NCOA2: variants seen among roughly 807,000 people sequenced by gnomAD.
The protein encoded by NCOA2 is class E basic helix-loop-helix protein 75.
In NCOA2, 21 loss-of-function variants were observed where a neutral mutation model predicts 145.1. That is an observed-to-expected ratio of 0.14 (90% CI 0.10 to 0.21). The LOEUF (loss-of-function observed/expected upper bound fraction) is 0.21. Ranked by LOEUF, NCOA2 falls within the 10% of genes least tolerant of loss-of-function variation. The pLI is 1.00. For synonymous variants in NCOA2, 619 were observed against 637.5 expected (o/e 0.97, Z 0.44); for missense variants, 1,472 against 1,837.6 (o/e 0.80, Z 3.64).
chr8:70,381,387 C>G (rs1488972623), intron 1 of NCOA2, among the ~76,000 whole-genome samples: 1 of 152,134 alleles, frequency 6.6e-6, no homozygotes, highest in Non-Finnish European at 1.5e-5. Context: ...TTATAAATAT[C>G]AAGTTTCCAT....
rs1460324133 is a variant in NCOA2 at position 70,296,729 on chromosome 8, T to C, written c.-20+15A>G. 3 of 152,306 alleles carry C rather than the reference T, an allele frequency of 2.0e-5. No homozygotes were observed. The East Asian group carries it at 5.8e-4, about 29-fold the overall frequency. 9.4% of individuals were successfully genotyped at this position (152,306 alleles called of 1,614,324 possible). A position where few individuals can be genotyped will look rare whatever the true frequency, so the allele number is the denominator to read the frequency against. On this transcript the variant is annotated intron_variant, in intron 2 of 22. Transcript: ENST00000452400. ...TATCAAAGTATCCAATATGAAGAAT[T>C]CAACGTTAACTCACCTGTGCCTGTA...
chr8:70,359,994 G>A (rs528112579), intron 1 of NCOA2, among the ~76,000 whole-genome samples: 70 of 152,144 alleles, frequency 4.6e-4, no homozygotes, highest in African/African-American at 1.6e-3. Flanking sequence ...AAGTTTTGCT[G>A]CAATCCCTTA....
chr8:70,329,554 T>C (rs921784462), intron 1 of NCOA2, among the ~76,000 whole-genome samples: 7 of 152,090 alleles, frequency 4.6e-5, no homozygotes, highest in African/African-American at 1.7e-4. Context: ...GACTCAGCAA[T>C]TTTGATCTTG....
At chr8:70,452,174 C>T in the NCOA2 span, among the ~76,000 whole-genome samples, 1 of 152,288 alleles carries the variant, frequency 6.6e-6, no homozygotes, top group South Asian at 2.1e-4. Context: ...TGGGGTTTCA[C>T]CATGTTGCCC....
intron 1 of NCOA2, among the ~76,000 whole-genome samples, chr8:70,336,253 C>G (rs541338292): frequency 6.6e-6 from 1 of 152,078 alleles, no homozygotes; most frequent in Admixed American, 6.5e-5. Flanking sequence ...TTTTAAGTAC[C>G]TTTATAATCT....
chr8:70,160,695 G>A (rs1369984782), intron 9 of NCOA2, among the ~76,000 whole-genome samples: 3 of 151,268 alleles, frequency 2.0e-5, no homozygotes, highest in African/African-American at 7.4e-5. Flanking sequence ...GAGAGAGAGA[G>A]AGAGAGACTG....
the NCOA2 span, among the ~76,000 whole-genome samples, chr8:70,452,574 ATG>A: frequency 6.6e-6 from 1 of 152,156 alleles, no homozygotes; most frequent in African/African-American, 2.4e-5. Context: ...TCACTGCTTA[ATG>A]TGTGTGGGGT....
At chr8:70,270,606 TA>T (rs1328792857) in intron 2 of NCOA2, among the ~76,000 whole-genome samples, 3 of 147,694 alleles carry the variant, frequency 2.0e-5, no homozygotes, top group Non-Finnish European at 4.6e-5. Context: ...GTGGCCACTA[TA>T]ATCCCATTAT....
chr8:70,434,617 G>A, the NCOA2 span, among the ~76,000 whole-genome samples: 1 of 152,016 alleles, frequency 6.6e-6, no homozygotes, highest in Non-Finnish European at 1.5e-5. Flanking sequence ...TGCCTAGGCT[G>A]GAGCTCAGTG....
intron 1 of NCOA2, among the ~76,000 whole-genome samples, chr8:70,313,153 A>G (rs935585517): frequency 3.3e-5 from 5 of 152,224 alleles, no homozygotes; most frequent in South Asian, 4.1e-4. Flanking sequence ...AACTATTAAT[A>G]TAAGTGTGGT....
chr8:70,292,215 T>C (rs1271676216), intron 2 of NCOA2, among the ~76,000 whole-genome samples: 2 of 151,848 alleles, frequency 1.3e-5, no homozygotes, highest in African/African-American at 4.8e-5. Flanking sequence ...TGCGGTGGCG[T>C]GATCTCGGCT....
chr8:70,292,172 T>C (rs1296757353), intron 2 of NCOA2, among the ~76,000 whole-genome samples: 1 of 151,924 alleles, frequency 6.6e-6, no homozygotes, highest in African/African-American at 2.4e-5. Flanking sequence ...TCCTGCTCTG[T>C]CGCCAGGCTG....
chr8:70,159,242 A>ATATATATATATTT lies in NCOA2; in HGVS notation c.1124+262_1124+263insAAATATATATATA. Among the ~76,000 whole-genome samples the ATATATATATATTT allele has an allele frequency of 9.4e-3, 574 of 61,042 alleles. 24 individuals are homozygous for ATATATATATATTT. The highest frequency in any genetic ancestry group is 0.029 in the African/African-American group (531 of 18,464). 40.0% of individuals were successfully genotyped at this position (61,042 alleles called of 152,430 possible). ...TAACATTATATATATATATATATATATTTTTTTTTTTTTCCCCCAAATATT... is the reference window on the plus strand; with the variant it reads ...TAACATTATATATATATATATATATATATATATATATTTTTTTTTTTTTTTTCCCCCAAATATT... On this transcript the variant is annotated intron_variant, in intron 10 of 22. Coordinates refer to ENST00000452400, the MANE Select transcript of NCOA2 (RefSeq NM_006540.4).
chr8:70,272,777 C>T (rs1206511591), intron 2 of NCOA2, among the ~76,000 whole-genome samples: 4 of 151,980 alleles, frequency 2.6e-5, no homozygotes, highest in Admixed American at 2.0e-4. Context: ...TGTTAATTTC[C>T]TAAATAAAAA....
the NCOA2 span, among the ~76,000 whole-genome samples, chr8:70,441,281 T>C: frequency 4.6e-3 from 243 of 53,060 alleles, no homozygotes; most frequent in Non-Finnish European, 7.0e-3. Context: ...AGGAAAGAAA[T>C]AAAAAAGGAA....
At chr8:70,161,531 A>G (rs766214534) in intron 9 of NCOA2, among the ~76,000 whole-genome samples, 6 of 152,168 alleles carry the variant, frequency 3.9e-5, no homozygotes, top group Non-Finnish European at 8.8e-5. Flanking sequence ...AGATGAGGGG[A>G]AAAAAAGGGC....
At chr8:70,131,488 C>G (rs879290992) in intron 16 of NCOA2, among the ~76,000 whole-genome samples, 4 of 152,168 alleles carry the variant, frequency 2.6e-5, no homozygotes, top group Admixed American at 2.6e-4. Context: ...CAGGGGGAAG[C>G]GTTCTAGGTC....
chr8:70,263,683 C>T (rs368297837), intron 2 of NCOA2, among the ~76,000 whole-genome samples: 3 of 151,246 alleles, frequency 2.0e-5, no homozygotes, highest in Admixed American at 6.6e-5. Flanking sequence ...GAGCCGAGAT[C>T]GCGCCACTGC....
intron 4 of NCOA2, among the ~76,000 whole-genome samples, chr8:70,186,137 C>T (rs1236722576): frequency 6.6e-6 from 1 of 152,118 alleles, no homozygotes; most frequent in Non-Finnish European, 1.5e-5. Flanking sequence ...CCAGATTTAT[C>T]CTCCAGGATG....
Sources: allele counts gnomAD v4.1 joint callset (sites outside exome capture counted in the v4.1 genomes callset), GRCh38; gene constraint gnomAD v4.1.1; transcripts MANE v1.5; gene names NCBI Gene and HGNC (gene_info 2026-07-23, HGNC 2026-07-21).